AGBL1: variants seen among roughly 807,000 people sequenced by gnomAD.
AGBL1 encodes cytosolic carboxypeptidase 4.
A neutral mutation model predicts 118.9 loss-of-function variants in AGBL1; 130 were observed. The ratio of observed to expected loss-of-function variants is 1.09; its 90% confidence interval spans 0.95 to 1.26. The LOEUF (loss-of-function observed/expected upper bound fraction) is 1.26. Among genes scored for constraint, AGBL1 ranks in the 50% most tolerant of loss-of-function variants. The pLI, the probability that AGBL1 is intolerant of heterozygous loss-of-function variation, is 0.00. For synonymous variants in AGBL1, 555 were observed against 478.9 expected (o/e 1.16, Z -2.08); for missense variants, 1,584 against 1,298.1 (o/e 1.22, Z -3.38).
At chr15:86,817,796 C>T (rs1011427755) in intron 22 of AGBL1, among the ~76,000 whole-genome samples, 3 of 152,002 alleles carry the variant, frequency 2.0e-5, no homozygotes, top group African/African-American at 7.3e-5. Flanking sequence ...TCTTTGCAGA[C>T]GTAATTAAGA....
At chr15:86,917,046 G>C (rs1385342480), downstream of AGBL1, among the ~76,000 whole-genome samples, 4 of 152,228 alleles carry the variant, frequency 2.6e-5, no homozygotes, top group African/African-American at 7.2e-5. This position sits in a 1 kb window ranked among gnomAD's most constrained non-coding sequence, Gnocchi z 4.8. Context: ...TTCAGCTGGG[G>C]TGGGGCAGGG....
At position 86,522,918 on chromosome 15, in the gene AGBL1, C is replaced by A; in HGVS notation, c.2664C>A (p.Ser888Arg). 1 of 1,613,978 alleles carries A rather than the reference C, an allele frequency of 6.2e-7. No homozygotes were observed. Among genetic ancestry groups the A allele is most frequent in the Non-Finnish European group, 8.5e-7 (1 of 1,179,838 alleles). Reference protein sequence around the residue: ...YHAKGLLYHLSSIGRSPVVFC... With the variant: ...YHAKGLLYHLRSIGRSPVVFC... ...CCAAAGGCCTCCTCTACCACCTGAGCAGCATTGGCCGAAGTCCCGTGGTGA... is the reference window on the plus strand; with the variant it reads ...CCAAAGGCCTCCTCTACCACCTGAGAAGCATTGGCCGAAGTCCCGTGGTGA... Residue 888 changes from serine (S) to arginine (R), a missense_variant, in exon 19 of 23, where the codon AGC becomes AGA. Transcript: ENST00000614907.
chr15:86,339,243 A>T (rs1465440057), intron 17 of AGBL1, among the ~76,000 whole-genome samples: 1 of 152,140 alleles, frequency 6.6e-6, no homozygotes, highest in Non-Finnish European at 1.5e-5. Flanking sequence ...CCGATAGGTA[A>T]GGTGTTATCC....
chr15:86,186,645 C>T (rs2077637888), intron 5 of AGBL1, among the ~76,000 whole-genome samples: 1 of 152,094 alleles, frequency 6.6e-6, no homozygotes, highest in Admixed American at 6.5e-5. Context: ...CCTCTGGCTG[C>T]CACAAAGGCC....
intron 19 of AGBL1, among the ~76,000 whole-genome samples, chr15:86,544,794 C>T (rs2083556349): frequency 6.6e-6 from 1 of 152,238 alleles, no homozygotes; most frequent in African/African-American, 2.4e-5. Flanking sequence ...TGGCTAAGTG[C>T]ATATTCCAGA....
chr15:86,142,276 G>A (rs1160139939), intron 2 of AGBL1, among the ~76,000 whole-genome samples: 1 of 152,124 alleles, frequency 6.6e-6, no homozygotes, highest in African/African-American at 2.4e-5. Context: ...CTTCTCACCC[G>A]ACACTGAGGA....
intron 23 of AGBL1, among the ~76,000 whole-genome samples, chr15:86,954,155 G>A (rs2080907059): frequency 6.6e-6 from 1 of 152,156 alleles, no homozygotes; most frequent in African/African-American, 2.4e-5. Flanking sequence ...ACAGAATCTG[G>A]TGAGGCTGCA....
intron 23 of AGBL1, among the ~76,000 whole-genome samples, chr15:86,966,318 C>T (rs189220474): frequency 5.3e-5 from 8 of 150,014 alleles, no homozygotes; most frequent in Non-Finnish European, 8.9e-5. Context: ...ATTCTTTGGC[C>T]CATATCTTTT....
At chr15:86,987,787 A>G (rs989262510) in intron 23 of AGBL1, among the ~76,000 whole-genome samples, 8 of 152,072 alleles carry the variant, frequency 5.3e-5, no homozygotes, top group Non-Finnish European at 1.0e-4. Flanking sequence ...TTTACCATAC[A>G]TTATGTATAT....
In AGBL1 at chr15:86,143,787, TC is replaced by T; in HGVS notation, c.206del (p.Pro69GlnfsTer18). The T allele has an allele frequency of 1.2e-6, 2 of 1,613,900 alleles. No individual in the cohort carries two copies. The highest frequency in any genetic ancestry group is 1.7e-6 in the Non-Finnish European group (2 of 1,179,822). ...TGGTAGACACAGCGAGGACAGCTCCTCCAGACTATGACATCCTCCTGCCTCT... is the reference window on the plus strand; with the variant it reads ...TGGTAGACACAGCGAGGACAGCTCCTCAGACTATGACATCCTCCTGCCTCT... ...TLVDTARTAP[P>X]DYDILLPLFR... On this transcript the variant is annotated frameshift_variant, in exon 3 of 23. Coordinates refer to ENST00000614907, the MANE Select transcript of AGBL1 (RefSeq NM_001386094.1). LOFTEE classifies it high-confidence loss of function.
chr15:86,225,151 G>C (rs1262258264), intron 6 of AGBL1, among the ~76,000 whole-genome samples, 200 bp downstream of exon 6: 2 of 151,388 alleles, frequency 1.3e-5, no homozygotes, highest in African/African-American at 4.9e-5. Context: ...TATTATGGCT[G>C]TTCCAGGTAC....
intron 6 of AGBL1, among the ~76,000 whole-genome samples, chr15:86,234,592 A>G (rs1007868012): frequency 2.4e-4 from 36 of 151,588 alleles, no homozygotes; most frequent in African/African-American, 8.7e-4. Context: ...CACAGTGGAG[A>G]ATAGCACTTG....
chr15:86,930,598 C>T (rs2080593175), intron 23 of AGBL1, among the ~76,000 whole-genome samples: 1 of 152,038 alleles, frequency 6.6e-6, no homozygotes, highest in African/African-American at 2.4e-5. Context: ...CAATTATTTT[C>T]AGCATATGAG....
chr15:86,829,317 C>T (rs1262711689), intron 22 of AGBL1, among the ~76,000 whole-genome samples: 1 of 152,028 alleles, frequency 6.6e-6, no homozygotes, highest in Non-Finnish European at 1.5e-5. Flanking sequence ...CTTGGAAAAC[C>T]GCAAGGGTCA....
intron 22 of AGBL1, among the ~76,000 whole-genome samples, chr15:86,726,500 G>T (rs2142736798): frequency 6.6e-6 from 1 of 152,298 alleles, no homozygotes; most frequent in East Asian, 1.9e-4. Context: ...ACTTAGGATT[G>T]AGCAAGATAA....
intron 21 of AGBL1, chr15:86,630,504 T>G (rs2084946954): frequency 2.0e-5 from 3 of 152,228 alleles, no homozygotes; most frequent in African/African-American, 7.2e-5. Flanking sequence ...TCTCAAAACA[T>G]TAATCTTATG....
At chr15:86,114,623 T>C (rs1360707490) in intron 1 of AGBL1, among the ~76,000 whole-genome samples, 1 of 152,196 alleles carries the variant, frequency 6.6e-6, no homozygotes, top group Non-Finnish European at 1.5e-5. Flanking sequence ...GAAGGGTCTT[T>C]TTTTCACCGA....
In AGBL1 at chr15:86,262,871, C is replaced by A; in HGVS notation, c.1063C>A (p.Leu355Ile). 1 of 1,608,338 alleles carries A rather than the reference C, an allele frequency of 6.2e-7. No individual in the cohort carries two copies. Among genetic ancestry groups the A allele is most frequent in the East Asian group, 2.2e-5 (1 of 44,824 alleles). The stretch of plus-strand genomic sequence containing the variant: ...ACTGATGCAATATGAGGTGATGTGT[C>A]TTGAGCTCTCCTATAGCTTTGAGGT... ...EELMQYEVMC[L>I]ELSYSFEELQ... is the part of the protein sequence containing the mutation. Residue 355 changes from leucine (L) to isoleucine (I), a missense_variant, in exon 10 of 23, where the codon CTT (leucine) becomes ATT (isoleucine). Transcript: ENST00000614907.
At chr15:86,822,924 G>A (rs1469379339) in intron 22 of AGBL1, among the ~76,000 whole-genome samples, 2 of 152,110 alleles carry the variant, frequency 1.3e-5, no homozygotes, top group African/African-American at 4.8e-5. Flanking sequence ...TCTTACACAA[G>A]GAAGAGTAGA....
Sources: gnomAD v4.1 joint callset for allele counts (sites outside exome capture counted in the v4.1 genomes callset) on GRCh38, gnomAD v4.1.1 for gene constraint, Gnocchi (gnomAD v3.1) non-coding constraint, MANE v1.5 for transcripts, NCBI Gene and HGNC (gene_info 2026-07-23, HGNC 2026-07-21) for gene names.